PLXDC2: variants seen among roughly 807,000 people sequenced by gnomAD.
PLXDC2 encodes plexin domain-containing protein 2.
Under a neutral mutation model 68.9 loss-of-function variants are expected in PLXDC2, and 40 were observed. That is an observed-to-expected ratio of 0.58 (90% CI 0.45 to 0.76). The LOEUF (loss-of-function observed/expected upper bound fraction) is 0.76. PLXDC2 is among the 30% of genes least tolerant of loss of function. The probability of loss-of-function intolerance (pLI) is 0.00; values close to 1 mark genes in which losing one functional copy is unlikely to be tolerated. For synonymous variants in PLXDC2, 243 were observed against 234.2 expected (o/e 1.04, Z -0.34); for missense variants, 644 against 661.9 (o/e 0.97, Z 0.30).
intron 12 of PLXDC2, among the ~76,000 whole-genome samples, chr10:20,227,658 C>T (rs7083165): frequency 0.87 from 131,781 of 152,088 alleles, 57,690 homozygotes; most frequent in Middle Eastern, 0.95. Context: ...TAGTCTTTTA[C>T]GCCAGGCAAT....
intron 12 of PLXDC2, among the ~76,000 whole-genome samples, chr10:20,222,546 G>T (rs370584043): frequency 1.3e-5 from 2 of 152,190 alleles, no homozygotes. Context: ...CTTCAGGGTT[G>T]AGTGGAAATT....
At chr10:20,194,752 C>T (rs1834814986) in intron 9 of PLXDC2, among the ~76,000 whole-genome samples, 1 of 151,420 alleles carries the variant, frequency 6.6e-6, no homozygotes, top group Admixed American at 6.6e-5. Flanking sequence ...TCGTCATTTA[C>T]ATTAGGTATA....
intron 1 of PLXDC2, among the ~76,000 whole-genome samples, chr10:19,903,235 G>GT (rs1209301611): frequency 3.9e-5 from 6 of 151,930 alleles, no homozygotes; most frequent in Non-Finnish European, 5.9e-5. Flanking sequence ...CTGTGGAATA[G>GT]TGTCAATAGC....
intron 2 of PLXDC2, among the ~76,000 whole-genome samples, chr10:20,022,305 C>T (rs1353652892): frequency 2.0e-5 from 3 of 152,172 alleles, no homozygotes; most frequent in Non-Finnish European, 2.9e-5. Flanking sequence ...TTGGAGCTTA[C>T]AGTCTAGTCG....
chr10:20,078,514 T>C (rs1288511057), intron 4 of PLXDC2, among the ~76,000 whole-genome samples: 3 of 152,244 alleles, frequency 2.0e-5, no homozygotes, highest in African/African-American at 7.2e-5. Flanking sequence ...TATAAGATTA[T>C]GTGTTAGCAG....
At chr10:20,230,147 G>A (rs1306737670) in intron 12 of PLXDC2, among the ~76,000 whole-genome samples, 1 of 152,134 alleles carries the variant, frequency 6.6e-6, no homozygotes, top group Non-Finnish European at 1.5e-5. Flanking sequence ...TAAAAGCATA[G>A]GCTATCACAC....
At chr10:20,094,733 A>C (rs1833325513) in intron 4 of PLXDC2, among the ~76,000 whole-genome samples, 1 of 152,148 alleles carries the variant, frequency 6.6e-6, no homozygotes, top group Non-Finnish European at 1.5e-5. Context: ...TTTTCTAAGA[A>C]AGGGGTATTG....
At chr10:20,184,141 A>G (rs73605605) in intron 9 of PLXDC2, among the ~76,000 whole-genome samples, 6,489 of 151,840 alleles carry the variant, frequency 0.043, 449 homozygotes, top group African/African-American at 0.15. Flanking sequence ...GATATTTCCT[A>G]ACAACTTTTC....
At chr10:20,108,278 G>A (rs79999038) in intron 4 of PLXDC2, among the ~76,000 whole-genome samples, 7,642 of 152,090 alleles carry the variant, frequency 0.05, 273 homozygotes, top group African/African-American at 0.095. Context: ...AAAAAGATTG[G>A]ATCCCTTCTC....
At chr10:19,874,913 G>T (rs1206802557) in intron 1 of PLXDC2, among the ~76,000 whole-genome samples, 4 of 152,120 alleles carry the variant, frequency 2.6e-5, no homozygotes, top group Non-Finnish European at 4.4e-5. Context: ...GTTCTTCGAG[G>T]TTCTTGTGCA....
chr10:20,059,088 A>T (rs11011763), intron 3 of PLXDC2, among the ~76,000 whole-genome samples: 29,249 of 152,120 alleles, frequency 0.19, 3,837 homozygotes, highest in East Asian at 0.6. Flanking sequence ...CTGAATTGTA[A>T]CAAGAACCCT....
chr10:20,013,906 A>G (rs910623252), intron 2 of PLXDC2, among the ~76,000 whole-genome samples: 19 of 152,304 alleles, frequency 1.2e-4, no homozygotes, highest in African/African-American at 3.8e-4. Flanking sequence ...TCACATTCAA[A>G]TGGGAGAAAT....
intron 4 of PLXDC2, among the ~76,000 whole-genome samples, chr10:20,093,455 C>A (rs1833307512): frequency 6.6e-6 from 1 of 152,126 alleles, no homozygotes; most frequent in Non-Finnish European, 1.5e-5. Flanking sequence ...TGCTGAGCTC[C>A]ATAGGAACTT....
chr10:20,051,392 TTAAATATATATATA>T (rs1835895900), intron 3 of PLXDC2, among the ~76,000 whole-genome samples: 2 of 107,948 alleles, frequency 1.9e-5, no homozygotes, highest in Admixed American at 1.1e-4. Context: ...AAAATAAAGG[TTAAATATATATATA>T]TATATATATA....
intron 1 of PLXDC2, among the ~76,000 whole-genome samples, chr10:19,818,227 GGTGTGTGTGTGTGTGTGTGTGT>G (rs749435110): frequency 1.5e-5 from 2 of 137,522 alleles, no homozygotes; most frequent in African/African-American, 2.8e-5. Context: ...GTTCTTTTCT[GGTGTGTGTGTGTGTGTGTGTGT>G]GTGTGTGTGT....
intron 4 of PLXDC2, among the ~76,000 whole-genome samples, chr10:20,141,952 T>C (rs987031956): frequency 6.6e-6 from 1 of 151,998 alleles, no homozygotes; most frequent in African/African-American, 2.4e-5. Flanking sequence ...ATTTTTACAG[T>C]TAAAAATTTT....
At chr10:19,876,062 A>G (rs1837624597) in intron 1 of PLXDC2, among the ~76,000 whole-genome samples, 1 of 152,168 alleles carries the variant, frequency 6.6e-6, no homozygotes, top group African/African-American at 2.4e-5. Flanking sequence ...GGTGGGGATT[A>G]TGAGTTCAAA....
chr10:20,173,099 C>G (rs1253783807), intron 7 of PLXDC2, among the ~76,000 whole-genome samples: 1 of 152,178 alleles, frequency 6.6e-6, no homozygotes, highest in Non-Finnish European at 1.5e-5. Context: ...AAGAGTCTCT[C>G]TTCTCCTGAG....
intron 1 of PLXDC2, among the ~76,000 whole-genome samples, chr10:19,932,663 G>A (rs754065154): frequency 6.6e-6 from 1 of 152,176 alleles, no homozygotes; most frequent in Non-Finnish European, 1.5e-5. Flanking sequence ...TGACTTTTAA[G>A]TAAATCATAA....
Sources: gnomAD v4.1 joint callset for allele counts (sites outside exome capture counted in the v4.1 genomes callset) on GRCh38, gnomAD v4.1.1 for gene constraint, MANE v1.5 for transcripts, NCBI Gene and HGNC (gene_info 2026-07-23, HGNC 2026-07-21) for gene names.